The following CRB1 variants were observed in gnomAD, a reference collection of about 807,000 sequenced individuals.
CRB1 encodes the protein protein crumbs homolog 1.
A neutral mutation model predicts 120.0 loss-of-function variants in CRB1; 83 were observed. The ratio of observed to expected loss-of-function variants is 0.69; its 90% CI spans 0.58 to 0.83. CRB1 has a LOEUF of 0.83. Ranked by LOEUF, CRB1 falls within the 40% of genes least tolerant of loss-of-function variation. The pLI, the probability that CRB1 is intolerant of heterozygous loss-of-function variation, is 0.00. For missense variants in CRB1, 1,699 were observed against 1,687.6 expected (o/e 1.01, Z -0.12); for synonymous variants, 625 against 612.5 (o/e 1.02, Z -0.30).
At chr1:197,220,776 C>A in the CRB1 span, among the ~76,000 whole-genome samples, 189 of 152,208 alleles carry the variant, frequency 1.2e-3, 1 homozygote, top group Non-Finnish European at 2.1e-3. Context: ...TGATAGTGAG[C>A]TGATCATTTA....
At chr1:197,361,683 T>C (rs1190867030) in intron 5 of CRB1, among the ~76,000 whole-genome samples, 1 of 152,038 alleles carries the variant, frequency 6.6e-6, no homozygotes, top group Non-Finnish European at 1.5e-5. Flanking sequence ...GATTTCTCTG[T>C]TTTATTCCTA....
intron 2 of CRB1, among the ~76,000 whole-genome samples, chr1:197,335,680 AGTAGAGATG>A (rs1659111238): frequency 6.6e-6 from 1 of 152,036 alleles, no homozygotes; most frequent in Admixed American, 6.5e-5. Context: ...TTGCATTTTT[AGTAGAGATG>A]GCATTTCACC....
intron 5 of CRB1, among the ~76,000 whole-genome samples, chr1:197,404,675 G>A (rs1663250435): frequency 6.6e-6 from 1 of 152,084 alleles, no homozygotes; most frequent in African/African-American, 2.4e-5. Context: ...ATGGGATATT[G>A]ACAGTAACTG....
intron 1 of CRB1, among the ~76,000 whole-genome samples, chr1:197,316,676 A>T (rs1657866378): frequency 6.6e-6 from 1 of 152,202 alleles, no homozygotes; most frequent in Admixed American, 6.5e-5. Context: ...CCAAAATTTA[A>T]TGTCACATTC....
At chr1:197,203,993 T>G in the CRB1 span, among the ~76,000 whole-genome samples, 1 of 152,112 alleles carries the variant, frequency 6.6e-6, no homozygotes, top group East Asian at 1.9e-4. Context: ...ATTATTCTTA[T>G]GCCTTTGCAT....
chr1:197,474,753 C>G (rs1348970520), intron 11 of CRB1, among the ~76,000 whole-genome samples: 4 of 152,202 alleles, frequency 2.6e-5, no homozygotes, highest in Non-Finnish European at 5.9e-5. Context: ...TCCCAACTCT[C>G]TCATCCAGGA....
At chr1:197,475,350 A>G (rs549045862) in intron 11 of CRB1, among the ~76,000 whole-genome samples, 1 of 152,166 alleles carries the variant, frequency 6.6e-6, no homozygotes, top group South Asian at 2.1e-4. Flanking sequence ...CTGCTCATCT[A>G]ATGTGGTATC....
At chr1:197,420,947 T>G in intron 5 of CRB1, 53 bp from the exon 6 acceptor site, 1 of 1,165,056 alleles carries the variant, frequency 8.6e-7, no homozygotes, top group Non-Finnish European at 1.3e-6. Context: ...ACGTGAAACT[T>G]CTATTTTTGA....
intron 5 of CRB1, among the ~76,000 whole-genome samples, chr1:197,392,684 G>A (rs1448431168): frequency 6.6e-6 from 1 of 152,060 alleles, no homozygotes; most frequent in Admixed American, 6.6e-5. Flanking sequence ...GGGCTCTAAA[G>A]CCTCACCTAA....
chr1:197,293,054 C>T (rs79505108), intron 1 of CRB1, among the ~76,000 whole-genome samples: 34,708 of 151,964 alleles, frequency 0.23, 4,308 homozygotes, highest in Middle Eastern at 0.29. Context: ...GTTGGAAGTT[C>T]TGGCTAGGGC....
At chr1:197,387,890 T>C (rs1400717813) in intron 5 of CRB1, among the ~76,000 whole-genome samples, 1 of 151,850 alleles carries the variant, frequency 6.6e-6, no homozygotes, top group Non-Finnish European at 1.5e-5. Flanking sequence ...ATTAGCAGAT[T>C]CTCTTCTGAA....
chr1:197,317,727 C>T (rs1657938797), intron 1 of CRB1, among the ~76,000 whole-genome samples: 1 of 152,068 alleles, frequency 6.6e-6, no homozygotes, highest in Non-Finnish European at 1.5e-5. Context: ...ACAATGGTGC[C>T]AAGTATAGAC....
the CRB1 span, chr1:197,223,283 G>T: frequency 5.9e-6 from 5 of 847,228 alleles, no homozygotes; most frequent in Non-Finnish European, 9.7e-6. Context: ...ATTAGAAAAG[G>T]GGTTTGGAAA....
At chr1:197,379,362 C>T (rs1329426397) in intron 5 of CRB1, among the ~76,000 whole-genome samples, 1 of 151,598 alleles carries the variant, frequency 6.6e-6, no homozygotes. Flanking sequence ...TATAGTGCCA[C>T]GATCTCAGCT....
At chr1:197,227,935 G>A in the CRB1 span, among the ~76,000 whole-genome samples, 1 of 152,202 alleles carries the variant, frequency 6.6e-6, no homozygotes, top group Non-Finnish European at 1.5e-5. Flanking sequence ...TCAATACCAT[G>A]TGGAAGCTGC....
In CRB1 at chr1:197,344,492, CG is replaced by C; in HGVS notation, c.848+17del. The C allele has an allele frequency of 6.2e-7, 1 of 1,611,446 alleles. No homozygotes were observed. The highest frequency in any genetic ancestry group is 8.5e-7 in the Non-Finnish European group (1 of 1,177,732). ...GAGAAAACAGGTACATTTTCTCTGG[CG>C]TTGGGTGATTGGCTTAGAACTCCCT... is the stretch of plus-strand genomic sequence containing the variant. On this transcript the variant is annotated intron_variant, in intron 3 of 11. Coordinates refer to ENST00000367400, the MANE Select transcript of CRB1 (RefSeq NM_201253.3).
intron 1 of CRB1, among the ~76,000 whole-genome samples, chr1:197,286,862 T>C (rs7514572): frequency 0.17 from 25,562 of 151,914 alleles, 2,377 homozygotes; most frequent in Middle Eastern, 0.25. Context: ...TAATGGATAT[T>C]TAATTTGATT....
intron 11 of CRB1, 173 bp downstream of exon 11, chr1:197,442,465 A>G (rs1417786924): frequency 6.5e-7 from 1 of 1,534,170 alleles, no homozygotes; most frequent in Non-Finnish European, 8.7e-7. Context: ...ATTGAATTTC[A>G]AGAAATGCCT....
rs368730020 is a variant in CRB1 at position 197,318,273 on chromosome 1, G to A, written c.71-10149G>A. ...TCAACATCAGAAATCATCAGGGAAA[G>A]GCAAATCAAGATGACAGAAATTTTC... On this transcript the variant is annotated intron_variant, in intron 1 of 11. Coordinates refer to ENST00000367400, the MANE Select transcript of CRB1 (RefSeq NM_201253.3). Among the ~76,000 whole-genome samples, 23 of 152,214 alleles carry A rather than the reference G, an allele frequency of 1.5e-4. No individual in the cohort carries two copies. The East Asian group carries it at 4.3e-3, about 28-fold the overall frequency.
Sources: gnomAD v4.1 joint callset for allele counts (sites outside exome capture counted in the v4.1 genomes callset) on GRCh38, gnomAD v4.1.1 for gene constraint, MANE v1.5 for transcripts, NCBI Gene and HGNC (gene_info 2026-07-23, HGNC 2026-07-21) for gene names.